The following ESRRG variants were observed in gnomAD, a reference collection of about 807,000 sequenced individuals.
The protein encoded by ESRRG is estrogen related receptor gamma, also known as estrogen-related receptor gamma.
In ESRRG, 13 loss-of-function variants were observed where a neutral mutation model predicts 44.0. That is an observed-to-expected ratio of 0.30 (90% CI 0.19 to 0.47). ESRRG has a LOEUF of 0.47. Among genes scored for constraint, ESRRG ranks in the 20% least tolerant of loss-of-function variants. ESRRG has a pLI of 1.00. For synonymous variants in ESRRG, 215 were observed against 214.6 expected (o/e 1.00, Z -0.02); for missense variants, 395 against 580.6 (o/e 0.68, Z 3.29).
intron 2 of ESRRG, among the ~76,000 whole-genome samples, chr1:216,904,953 C>T (rs967153565): frequency 1.3e-5 from 2 of 152,140 alleles, no homozygotes; most frequent in Admixed American, 1.3e-4. Flanking sequence ...GATAGGGCAG[C>T]CTTTCAATAC....
At chr1:217,011,129 G>A (rs2078535825) in intron 1 of ESRRG, among the ~76,000 whole-genome samples, 2 of 152,278 alleles carry the variant, frequency 1.3e-5, no homozygotes, top group South Asian at 2.1e-4. Flanking sequence ...GTACATATGT[G>A]TGAAGTCTGA....
chr1:216,744,743 C>G (rs190060251), intron 2 of ESRRG, among the ~76,000 whole-genome samples: 3 of 152,316 alleles, frequency 2.0e-5, no homozygotes, highest in African/African-American at 2.4e-5. Flanking sequence ...CATCTTCCAT[C>G]TGTTCTTCTA....
At position 216,847,079 on chromosome 1, in the gene ESRRG, G is replaced by A. The variant is rs188899994; in HGVS notation, c.-14+92503C>T. Among the ~76,000 whole-genome samples, 3 of 152,118 alleles carry A rather than the reference G, an allele frequency of 2.0e-5. No homozygotes were observed. The East Asian group carries it at 5.8e-4, about 30-fold the overall frequency. On this transcript the variant is annotated intron_variant, in intron 2 of 7. Transcript: ENST00000359162. ...CTACTGCTTTTTTAGTGTAAAATGA[G>A]TAAGATAAGAGGCTTGTTAATCATG...
chr1:216,872,515 C>T (rs961667337), intron 2 of ESRRG, among the ~76,000 whole-genome samples: 2 of 152,040 alleles, frequency 1.3e-5, no homozygotes, highest in Admixed American at 1.3e-4. Flanking sequence ...CTCTGTTTAT[C>T]AGATTGGATA....
intron 6 of ESRRG, among the ~76,000 whole-genome samples, chr1:216,512,639 G>C (rs2043053456): frequency 6.6e-6 from 1 of 152,146 alleles, no homozygotes; most frequent in Non-Finnish European, 1.5e-5. Flanking sequence ...AGGGCTTTCA[G>C]GGGTTACGTT....
At chr1:216,579,114 C>G (rs924664602) in intron 3 of ESRRG, among the ~76,000 whole-genome samples, 1 of 152,084 alleles carries the variant, frequency 6.6e-6, no homozygotes, top group African/African-American at 2.4e-5. Flanking sequence ...ATCTTTTGAT[C>G]TCTTGTATGT....
chr1:217,085,609 G>A (rs938063089), intron 1 of ESRRG, among the ~76,000 whole-genome samples: 23 of 145,340 alleles, frequency 1.6e-4, no homozygotes, highest in African/African-American at 5.8e-4. Flanking sequence ...TCCTGCCTCA[G>A]CCTCCTGAGT....
At chr1:216,923,054 A>G (rs2149732570) in intron 2 of ESRRG, among the ~76,000 whole-genome samples, 1 of 152,332 alleles carries the variant, frequency 6.6e-6, no homozygotes, top group East Asian at 1.9e-4. Context: ...GGGTTCTTTA[A>G]TCACTGTTAG....
chr1:216,941,382 C>T (rs934590041), intron 1 of ESRRG, among the ~76,000 whole-genome samples: 7 of 152,128 alleles, frequency 4.6e-5, no homozygotes, highest in South Asian at 4.1e-4. Flanking sequence ...ATTGCTAATG[C>T]TCATAGCCAG....
intron 2 of ESRRG, among the ~76,000 whole-genome samples, chr1:216,874,432 A>C (rs745460342): frequency 6.6e-6 from 1 of 152,264 alleles, no homozygotes; most frequent in African/African-American, 2.4e-5. Flanking sequence ...ACTGCTATAA[A>C]GTTTGAAGAA....
intron 2 of ESRRG, among the ~76,000 whole-genome samples, chr1:216,778,689 T>C (rs746007331): frequency 3.8e-4 from 58 of 152,058 alleles, no homozygotes; most frequent in Non-Finnish European, 6.6e-4. Context: ...CTGAAATGTA[T>C]TGTACACCCA....
intron 2 of ESRRG, among the ~76,000 whole-genome samples, chr1:216,804,428 A>C (rs1002463721): frequency 7.9e-5 from 12 of 152,190 alleles, no homozygotes; most frequent in Admixed American, 5.2e-4. Flanking sequence ...AAGTGGAACC[A>C]ACACTTAAAC....
intron 3 of ESRRG, among the ~76,000 whole-genome samples, chr1:216,622,608 T>TCACACACACACACACACA (rs769882782): frequency 1.5e-5 from 2 of 136,848 alleles, no homozygotes; most frequent in Non-Finnish European, 3.3e-5. Context: ...CAAATGAAAA[T>TCACACACACACACACACA]TACACACACG....
At chr1:216,537,719 A>G (rs1426437624) in intron 5 of ESRRG, among the ~76,000 whole-genome samples, 2 of 152,136 alleles carry the variant, frequency 1.3e-5, no homozygotes, top group African/African-American at 2.4e-5. Context: ...GGAGTAAGGC[A>G]GTCAAAAGCA....
intron 1 of ESRRG, among the ~76,000 whole-genome samples, chr1:216,696,792 A>C (rs1025674841): frequency 1.3e-5 from 2 of 152,056 alleles, no homozygotes; most frequent in Non-Finnish European, 1.5e-5. Flanking sequence ...AATTAATATA[A>C]ATTAATTAAC....
At chr1:217,028,247 T>C (rs1357396482) in intron 1 of ESRRG, among the ~76,000 whole-genome samples, 3 of 152,186 alleles carry the variant, frequency 2.0e-5, no homozygotes, top group Admixed American at 6.5e-5. Context: ...CCTCTCCATG[T>C]ATAGACCTGG....
At position 217,051,834 on chromosome 1, in the gene ESRRG, C is replaced by G. The variant is rs1022434769; in HGVS notation, c.-106+37673G>C. Among the ~76,000 whole-genome samples, 4 of 152,184 alleles carry G rather than the reference C, an allele frequency of 2.6e-5. No individual in the cohort carries two copies. In the East Asian group the frequency reaches 7.7e-4, roughly 29 times the overall value. On this transcript the variant is annotated intron_variant, in intron 1 of 7. Transcript: ENST00000359162. ...CTGGAGTGCAGTAGCACAATCATAG[C>G]TCACTGCAGCCTCTAACTCCTGGGC...
intron 5 of ESRRG, among the ~76,000 whole-genome samples, chr1:216,529,094 C>T (rs142715398): frequency 1.2e-3 from 176 of 152,172 alleles, no homozygotes; most frequent in African/African-American, 3.9e-3. Context: ...GTTTGTGTAT[C>T]CATTCTTACA....
chr1:216,940,167 C>T (rs1235158573), intron 1 of ESRRG, among the ~76,000 whole-genome samples: 6 of 152,032 alleles, frequency 3.9e-5, no homozygotes, highest in East Asian at 3.9e-4. Flanking sequence ...CACAAGAGAG[C>T]GAGTAGAGAG....
Sources: allele counts gnomAD v4.1 joint callset (sites outside exome capture counted in the v4.1 genomes callset), GRCh38; gene constraint gnomAD v4.1.1; transcripts MANE v1.5; gene names NCBI Gene and HGNC (gene_info 2026-07-23, HGNC 2026-07-21).